The following DLG5 variants were observed in gnomAD, a reference collection of about 807,000 sequenced individuals.
The protein encoded by DLG5 is disks large homolog 5.
DLG5 carries 48 observed loss-of-function variants against 189.8 expected under a neutral mutation model. The observed-to-expected ratio is 0.25, with a 90% confidence interval of 0.20 to 0.32. The LOEUF is 0.32. DLG5 is among the 10% of genes least tolerant of loss of function. DLG5 has a pLI of 1.00. For synonymous variants in DLG5, 1,016 were observed against 1,054.1 expected (o/e 0.96, Z 0.70); for missense variants, 2,160 against 2,544.7 (o/e 0.85, Z 3.25).
chr10:77,820,349 GGA>G, intron 15 of DLG5: 1 of 134,006 alleles, frequency 7.5e-6, no homozygotes, highest in Non-Finnish European at 1.3e-5. Flanking sequence ...CCATCTTAGG[GGA>G]AAAAAAAAAA....
chr10:77,882,474 C>CA (rs1845311523), intron 1 of DLG5, among the ~76,000 whole-genome samples: 1 of 152,200 alleles, frequency 6.6e-6, no homozygotes, highest in Non-Finnish European at 1.5e-5. Context: ...GACTCCACTG[C>CA]AAATCTTTCC....
chr10:77,832,466 A>T (rs1351007792), intron 9 of DLG5, among the ~76,000 whole-genome samples: 1 of 152,226 alleles, frequency 6.6e-6, no homozygotes, highest in Non-Finnish European at 1.5e-5. Flanking sequence ...AGCCAGCTCT[A>T]GAATGCCACT....
chr10:77,907,149 A>G (rs898314455), intron 1 of DLG5, among the ~76,000 whole-genome samples: 1 of 152,186 alleles, frequency 6.6e-6, no homozygotes, highest in Non-Finnish European at 1.5e-5. Context: ...GCAAACCAGC[A>G]CTGGTCTGTA....
chr10:77,817,971 C>T (rs1178096948), intron 17 of DLG5, 82 bp from the exon 18 acceptor site: 1 of 1,167,306 alleles, frequency 8.6e-7, no homozygotes, highest in Non-Finnish European at 1.2e-6. Context: ...ACAGACCAGG[C>T]AAGGGTTCCC....
intron 2 of DLG5, 176 bp downstream of exon 2, chr10:77,868,953 A>T (rs766643977): frequency 6.0e-5 from 37 of 614,772 alleles, no homozygotes; most frequent in Non-Finnish European, 9.2e-5. Flanking sequence ...CCTCCTTCTA[A>T]CATCAGAACT....
In DLG5 at chr10:77,854,364, G is replaced by A. The variant is rs1428411370; in HGVS notation, c.543C>T (p.Tyr181=). Reference sequence around the variant, plus strand: ...TCTCATAGTCAGGATTCAGCCTGTGGTAGGGCCTGGCCCAGAGAGCGAATG... The same window carrying A: ...TCTCATAGTCAGGATTCAGCCTGTGATAGGGCCTGGCCCAGAGAGCGAATG... ...THGTAFDKRP[Y]HRLNPDYERL... Residue 181 remains tyrosine (Y), a synonymous_variant, in exon 4 of 32, where the codon TAC becomes TAT. Coordinates refer to ENST00000372391, the MANE Select transcript of DLG5 (RefSeq NM_004747.4). 1 of 1,613,976 alleles carries A rather than the reference G, an allele frequency of 6.2e-7. No individual in the cohort carries two copies. The highest frequency in any genetic ancestry group is 8.5e-7 in the Non-Finnish European group (1 of 1,180,020).
Position 77,829,354 on chromosome 10 carries a change from C to A in DLG5, c.2185+1G>T. 1 of 1,613,736 alleles carries A rather than the reference C, an allele frequency of 6.2e-7. No individual in the cohort carries two copies. Among genetic ancestry groups the A allele is most frequent in the Non-Finnish European group, 8.5e-7 (1 of 1,180,038 alleles). On this transcript the variant is annotated splice_donor_variant, in intron 12 of 31. Coordinates refer to ENST00000372391, the MANE Select transcript of DLG5 (RefSeq NM_004747.4). LOFTEE classifies it high-confidence loss of function. ...CTCTGCCATGTTCACAGGCCCGCTACCTTTCTGTCCACTGAGGTTGATGTG... is the reference window on the plus strand; with the variant it reads ...CTCTGCCATGTTCACAGGCCCGCTAACTTTCTGTCCACTGAGGTTGATGTG...
intron 4 of DLG5, 112 bp from the exon 5 acceptor site, chr10:77,853,649 G>A (rs1844091141): frequency 8.9e-7 from 1 of 1,118,616 alleles, no homozygotes; most frequent in South Asian, 2.0e-5. Flanking sequence ...ACAGCGGACA[G>A]GAGCCAATGG....
chr10:77,883,978 C>T (rs981550325), intron 1 of DLG5, among the ~76,000 whole-genome samples: 2 of 152,128 alleles, frequency 1.3e-5, no homozygotes, highest in African/African-American at 4.8e-5. Context: ...GGATTACAGG[C>T]GTGAGCCATC....
intron 1 of DLG5, among the ~76,000 whole-genome samples, chr10:77,886,520 A>AT (rs1478134432): frequency 1.3e-5 from 2 of 151,826 alleles, no homozygotes; most frequent in African/African-American, 4.8e-5. Context: ...GGCCTGGCTA[A>AT]TTTTTTGTAT....
At chr10:77,805,515 C>T (rs1413331850) in intron 27 of DLG5, 150 bp downstream of exon 27, 4 of 823,508 alleles carry the variant, frequency 4.9e-6, no homozygotes, top group Non-Finnish European at 1.8e-6. Flanking sequence ...AAGATGGCAG[C>T]ACCCCCCGAC....
At chr10:77,797,103 G>A (rs1284054963) in intron 27 of DLG5, among the ~76,000 whole-genome samples, 1 of 152,196 alleles carries the variant, frequency 6.6e-6, no homozygotes, top group Admixed American at 6.5e-5. Flanking sequence ...GGCACAAGAT[G>A]GAAGGGACCT....
At chr10:77,835,714 C>G (rs7079783) in intron 8 of DLG5, 24 bp downstream of exon 8, 2 of 1,590,492 alleles carry the variant, frequency 1.3e-6, no homozygotes, top group Admixed American at 1.7e-5. Flanking sequence ...CGCAAGCCCA[C>G]GCCAGCTTGA....
At chr10:77,807,695 TGG>T in intron 25 of DLG5, 99 bp downstream of exon 25, 1 of 1,383,042 alleles carries the variant, frequency 7.2e-7, no homozygotes, top group Non-Finnish European at 9.9e-7. Context: ...GCCCCAGCCT[TGG>T]GGGGCAAGAA....
chr10:77,938,196 C>T, the DLG5 span, among the ~76,000 whole-genome samples: 2 of 152,012 alleles, frequency 1.3e-5, no homozygotes, highest in African/African-American at 2.4e-5. Context: ...GTAATCGCAA[C>T]ACTTTGGGGG....
chr10:77,918,193 T>C (rs1487278912), intron 1 of DLG5, among the ~76,000 whole-genome samples: 1 of 151,284 alleles, frequency 6.6e-6, no homozygotes, highest in East Asian at 2.0e-4. Context: ...GGCGGACCAT[T>C]TGAGGTCAGG....
At chr10:77,884,276 A>T (rs146627535) in intron 1 of DLG5, among the ~76,000 whole-genome samples, 1 of 152,198 alleles carries the variant, frequency 6.6e-6, no homozygotes, top group African/African-American at 2.4e-5. Context: ...GAGTCAATTA[A>T]GCAGGCAATT....
At chr10:77,928,130 C>G (rs571300636), upstream of DLG5, 1 of 152,308 alleles carries the variant, frequency 6.6e-6, no homozygotes, top group African/African-American at 2.4e-5. Flanking sequence ...GACTTGGACT[C>G]CCCTCTAAGC....
intron 5 of DLG5, among the ~76,000 whole-genome samples, chr10:77,845,917 C>A (rs1843664833): frequency 7.5e-6 from 1 of 132,618 alleles, no homozygotes. Flanking sequence ...GCCCACTCTA[C>A]ATCTAAAATC....
Sources: allele counts gnomAD v4.1 joint callset (sites outside exome capture counted in the v4.1 genomes callset), GRCh38; gene constraint gnomAD v4.1.1; transcripts MANE v1.5; gene names NCBI Gene and HGNC (gene_info 2026-07-23, HGNC 2026-07-21).